The following SKIC3 variants were observed in gnomAD, a reference collection of about 807,000 sequenced individuals.
SKIC3 encodes the protein superkiller complex protein 3.
the SKIC3 span, among the ~76,000 whole-genome samples, chr5:95,479,370 G>T: frequency 6.6e-6 from 1 of 152,108 alleles, no homozygotes; most frequent in Non-Finnish European, 1.5e-5. Context: ...ATTCAGTAGA[G>T]TATTACTTTG....
At chr5:95,525,696 T>G in the SKIC3 span, 7 of 1,606,930 alleles carry the variant, frequency 4.4e-6, no homozygotes, top group Admixed American at 1.0e-4. Context: ...TGTAAAGAAC[T>G]GCTATAAATC....
chr5:95,484,902 A>G, the SKIC3 span: 1 of 1,586,212 alleles, frequency 6.3e-7, no homozygotes, highest in South Asian at 1.1e-5. Flanking sequence ...GTGTTCTTAG[A>G]GGAGTAACTG....
chr5:95,464,757 G>T, the SKIC3 span: 29 of 1,204,340 alleles, frequency 2.4e-5, no homozygotes, highest in East Asian at 7.0e-4. Context: ...TTGAAGCCAA[G>T]TAATCCAAGG....
chr5:95,503,585 T>C, the SKIC3 span, among the ~76,000 whole-genome samples: 1 of 152,230 alleles, frequency 6.6e-6, no homozygotes, highest in South Asian at 2.1e-4. Flanking sequence ...TCCTCATCTG[T>C]ATAATGAATA....
chr5:95,543,807 T>C, the SKIC3 span, among the ~76,000 whole-genome samples: 4 of 152,214 alleles, frequency 2.6e-5, no homozygotes, highest in Non-Finnish European at 5.9e-5. Context: ...CCCAGTGCGA[T>C]TATACCAAAT....
the SKIC3 span, among the ~76,000 whole-genome samples, chr5:95,526,583 C>T: frequency 8.5e-5 from 13 of 152,058 alleles, no homozygotes; most frequent in Admixed American, 3.3e-4. Flanking sequence ...AAGCGATTCT[C>T]CTGCCTCAGC....
the SKIC3 span, among the ~76,000 whole-genome samples, chr5:95,545,156 G>A: frequency 1.3e-5 from 2 of 152,274 alleles, no homozygotes; most frequent in South Asian, 2.1e-4. Context: ...CTATGGTGGT[G>A]CTGTATATAA....
the SKIC3 span, among the ~76,000 whole-genome samples, chr5:95,508,990 T>C: frequency 6.6e-6 from 1 of 152,204 alleles, no homozygotes; most frequent in East Asian, 1.9e-4. Flanking sequence ...ATTTTTGTTT[T>C]GTTTCATCTT....
At chr5:95,489,520 TAAA>T in the SKIC3 span, among the ~76,000 whole-genome samples, 4 of 116,648 alleles carry the variant, frequency 3.4e-5, no homozygotes, top group Non-Finnish European at 5.7e-5. Context: ...GGCAACCAGT[TAAA>T]AAAAAAAAAA....
At chr5:95,525,498 T>C in the SKIC3 span, 3 of 1,613,974 alleles carry the variant, frequency 1.9e-6, no homozygotes, top group Non-Finnish European at 2.5e-6. Flanking sequence ...AGGTCTTCCA[T>C]AATCTATAAA....
chr5:95,497,121 T>C, the SKIC3 span, among the ~76,000 whole-genome samples: 2 of 152,222 alleles, frequency 1.3e-5, no homozygotes, highest in African/African-American at 4.8e-5. Flanking sequence ...CATTACTTTA[T>C]CACATATCAT....
the SKIC3 span, chr5:95,516,872 TTA>T: frequency 4.5e-6 from 7 of 1,558,312 alleles, no homozygotes; most frequent in Non-Finnish European, 6.1e-6. Context: ...GAGAAAAGCA[TTA>T]TGTTTTTGAA....
chr5:95,491,165 A>C, the SKIC3 span: 2 of 1,342,474 alleles, frequency 1.5e-6, no homozygotes, highest in South Asian at 1.3e-5. Context: ...TCACTTTCTC[A>C]AAGGAAAATT....
the SKIC3 span, among the ~76,000 whole-genome samples, chr5:95,553,739 C>G: frequency 1.3e-5 from 2 of 152,166 alleles, no homozygotes; most frequent in Non-Finnish European, 1.5e-5. Context: ...GCGTATTTTT[C>G]GTAGAGACGG....
the SKIC3 span, among the ~76,000 whole-genome samples, chr5:95,493,012 C>A: frequency 6.6e-6 from 1 of 152,074 alleles, no homozygotes; most frequent in Non-Finnish European, 1.5e-5. Context: ...TAAAATATAG[C>A]TTGCTAAAGA....
At chr5:95,484,873 T>G in the SKIC3 span, 1 of 1,610,810 alleles carries the variant, frequency 6.2e-7, no homozygotes, top group Non-Finnish European at 8.5e-7. Context: ...CAATGTTACT[T>G]TCTTCTGCAA....
chr5:95,478,202 A>G, the SKIC3 span: 1 of 1,463,218 alleles, frequency 6.8e-7, no homozygotes, highest in Non-Finnish European at 9.4e-7. Flanking sequence ...ACAGGACTTC[A>G]ATTGAATATT....
chr5:95,532,793 T>C, the SKIC3 span, among the ~76,000 whole-genome samples: 1 of 152,102 alleles, frequency 6.6e-6, no homozygotes, highest in Non-Finnish European at 1.5e-5. Context: ...ATGCTCAAAT[T>C]CCAAGGGTAG....
chr5:95,474,161 G>T, the SKIC3 span, among the ~76,000 whole-genome samples: 1 of 152,126 alleles, frequency 6.6e-6, no homozygotes, highest in Non-Finnish European at 1.5e-5. Flanking sequence ...TTATTGAATA[G>T]GGGAGTCCTT....
Sources: allele counts gnomAD v4.1 joint callset (sites outside exome capture counted in the v4.1 genomes callset), GRCh38; gene constraint gnomAD v4.1.1; transcripts MANE v1.5; gene names NCBI Gene and HGNC (gene_info 2026-07-23, HGNC 2026-07-21).